ERC2: variants seen among roughly 807,000 people sequenced by gnomAD.
ERC2 encodes ELKS/RAB6-interacting/CAST family member 2, also known as ERC protein 2.
In ERC2, 42 loss-of-function variants were observed where a neutral mutation model predicts 114.8. That is an observed-to-expected ratio of 0.37 (90% confidence interval 0.29 to 0.47). ERC2 has a LOEUF of 0.47. ERC2 is among the 20% of genes least tolerant of loss of function. The pLI is 0.99. For missense variants in ERC2, 939 were observed against 1,150.7 expected (o/e 0.82, Z 2.66); for synonymous variants, 454 against 425.5 (o/e 1.07, Z -0.82).
chr3:55,970,547 T>C (rs1204258478), intron 12 of ERC2, among the ~76,000 whole-genome samples: 4 of 152,070 alleles, frequency 2.6e-5, no homozygotes, highest in Non-Finnish European at 4.4e-5. Flanking sequence ...TAGACATTTC[T>C]CCAAATAAGA....
intron 13 of ERC2, among the ~76,000 whole-genome samples, chr3:55,932,537 C>G (rs2066162010): frequency 6.6e-6 from 1 of 152,160 alleles, no homozygotes; most frequent in East Asian, 1.9e-4. Context: ...CTGAAATGCA[C>G]TGCCCCCAAA....
At chr3:55,512,377 A>G (rs1054792145) in intron 17 of ERC2, among the ~76,000 whole-genome samples, 3 of 152,244 alleles carry the variant, frequency 2.0e-5, no homozygotes, top group African/African-American at 7.2e-5. Context: ...GGGAGTTCCT[A>G]GAGCAGATCA....
chr3:55,973,218 G>A (rs1244173152), intron 12 of ERC2, among the ~76,000 whole-genome samples: 1 of 152,136 alleles, frequency 6.6e-6, no homozygotes, highest in East Asian at 1.9e-4. Context: ...ATTACCAAGT[G>A]GGACAGCAAC....
chr3:55,563,025 C>T (rs1181661982), intron 17 of ERC2, among the ~76,000 whole-genome samples: 1 of 152,094 alleles, frequency 6.6e-6, no homozygotes, highest in Non-Finnish European at 1.5e-5. Flanking sequence ...AAAAACCCAT[C>T]CATCAACCTT....
intron 14 of ERC2, among the ~76,000 whole-genome samples, chr3:55,805,554 C>A (rs1414046045): frequency 6.6e-6 from 1 of 151,504 alleles, no homozygotes; most frequent in Non-Finnish European, 1.5e-5. Flanking sequence ...AGACTGAGGA[C>A]AGTACAGCCA....
chr3:55,569,725 T>G (rs2107517854), intron 17 of ERC2, among the ~76,000 whole-genome samples: 1 of 152,316 alleles, frequency 6.6e-6, no homozygotes, highest in Non-Finnish European at 1.5e-5. Flanking sequence ...TTTAAAAACA[T>G]TTCACTACTC....
intron 13 of ERC2, among the ~76,000 whole-genome samples, chr3:55,918,287 T>C (rs948900951): frequency 2.6e-5 from 4 of 152,064 alleles, no homozygotes; most frequent in Admixed American, 6.6e-5. Flanking sequence ...ACTTACTCCC[T>C]CAGGGTTTAC....
At chr3:55,729,837 C>CAAGAAAAAAAAAA (rs2065138247) in intron 15 of ERC2, among the ~76,000 whole-genome samples, 1 of 61,630 alleles carries the variant, frequency 1.6e-5, no homozygotes, top group Non-Finnish European at 2.6e-5. Context: ...GACTCTATCG[C>CAAGAAAAAAAAAA]AAAAAAAAAA....
chr3:56,070,796 G>C (rs187755728), intron 7 of ERC2, among the ~76,000 whole-genome samples: 81 of 152,312 alleles, frequency 5.3e-4, no homozygotes, highest in African/African-American at 1.9e-3. Context: ...TGTTTCCTAA[G>C]TGGGCCAAGA....
At chr3:56,376,530 C>T (rs112370515) in intron 2 of ERC2, among the ~76,000 whole-genome samples, 10 of 151,730 alleles carry the variant, frequency 6.6e-5, no homozygotes, top group East Asian at 1.9e-4. Flanking sequence ...TTTGGGAGGC[C>T]GAGGTGGGCA....
Position 55,823,535 on chromosome 3 carries a change from C to G in ERC2, c.2564+64854G>C, listed in dbSNP as rs544007184. Reference sequence around the variant, plus strand: ...ATGCCCCTCCTCCTCCTCACCCCCACAACAAATGATTGGTTTAGACATGGG... The same window carrying G: ...ATGCCCCTCCTCCTCCTCACCCCCAGAACAAATGATTGGTTTAGACATGGG... On this transcript the variant is annotated intron_variant, in intron 14 of 17. Coordinates refer to ENST00000288221, the MANE Select transcript of ERC2 (RefSeq NM_015576.3). Among the ~76,000 whole-genome samples, 14 of 152,236 alleles carry G rather than the reference C, an allele frequency of 9.2e-5. No individual in the cohort carries two copies. In the South Asian group the frequency reaches 2.3e-3, roughly 25 times the overall value.
At chr3:56,170,550 T>TA (rs775989972) in intron 4 of ERC2, among the ~76,000 whole-genome samples, 2 of 151,116 alleles carry the variant, frequency 1.3e-5, no homozygotes, top group South Asian at 4.2e-4. Flanking sequence ...ATAGGGATAA[T>TA]CTCTGAGTCC....
At chr3:55,665,085 G>A (rs761681203) in intron 17 of ERC2, among the ~76,000 whole-genome samples, 12 of 152,162 alleles carry the variant, frequency 7.9e-5, no homozygotes, top group Non-Finnish European at 1.5e-4. Flanking sequence ...GAGGGTGCGC[G>A]GTGAAGGTGT....
intron 2 of ERC2, among the ~76,000 whole-genome samples, chr3:56,395,951 C>T (rs1428341320): frequency 6.6e-6 from 1 of 152,176 alleles, no homozygotes; most frequent in Non-Finnish European, 1.5e-5. Context: ...CAGAGAGGAA[C>T]TCCAAGTGGA....
At position 55,845,428 on chromosome 3, in the gene ERC2, C is replaced by T. The variant is rs1007785995; in HGVS notation, c.2564+42961G>A. On this transcript the variant is annotated intron_variant, in intron 14 of 17. Transcript: ENST00000288221. Reference sequence around the variant, plus strand: ...CTGAGGCAGGAGAATGCCGTGAACCCGGGAGGCGGAGCTTGCAGTGAGCCG... The same window carrying T: ...CTGAGGCAGGAGAATGCCGTGAACCTGGGAGGCGGAGCTTGCAGTGAGCCG... 4.8e-3 allele frequency among the ~76,000 whole-genome samples: 661 copies of T among 137,432 alleles called. 2 individuals are homozygous for T. The highest frequency in any genetic ancestry group is 0.017 in the African/African-American group (629 of 36,294). The allele number at this position is 137,432 out of a possible 152,430, so 90.2% of individuals were successfully genotyped here.
chr3:56,119,818 T>C (rs562044486), intron 6 of ERC2, among the ~76,000 whole-genome samples: 1 of 152,312 alleles, frequency 6.6e-6, no homozygotes, highest in South Asian at 2.1e-4. Context: ...TCCAAGGTAA[T>C]GAAATGATAT....
At chr3:55,830,764 C>G (rs371855602) in intron 14 of ERC2, among the ~76,000 whole-genome samples, 23 of 152,064 alleles carry the variant, frequency 1.5e-4, no homozygotes, top group African/African-American at 5.5e-4. Flanking sequence ...GGCAACATAG[C>G]AAGACCCCAT....
At chr3:55,736,117 T>C (rs908428614) in intron 14 of ERC2, among the ~76,000 whole-genome samples, 1 of 152,192 alleles carries the variant, frequency 6.6e-6, no homozygotes, top group Non-Finnish European at 1.5e-5. Context: ...CTCATTGATC[T>C]CTCTGGTAAA....
At chr3:56,377,550 T>C in intron 2 of ERC2, among the ~76,000 whole-genome samples, 1 of 152,170 alleles carries the variant, frequency 6.6e-6, no homozygotes, top group East Asian at 1.9e-4. Flanking sequence ...AACTTTCAAA[T>C]ATAAGTTAAG....
Sources: gnomAD v4.1 joint callset for allele counts (sites outside exome capture counted in the v4.1 genomes callset) on GRCh38, gnomAD v4.1.1 for gene constraint, MANE v1.5 for transcripts, NCBI Gene and HGNC (gene_info 2026-07-23, HGNC 2026-07-21) for gene names.